EEF1AKMT2: variants seen among roughly 807,000 people sequenced by gnomAD.
EEF1AKMT2 encodes the protein eukaryotic translation elongation factor 1 alpha lysine methyltransferase 2.
EEF1AKMT2 carries 32 observed loss-of-function variants against 35.8 expected under a neutral mutation model. That is an observed-to-expected ratio of 0.89 (90% CI 0.67 to 1.20). EEF1AKMT2 has a LOEUF of 1.20. EEF1AKMT2 is among the 50% of genes most tolerant of loss of function. The pLI, the probability that EEF1AKMT2 is intolerant of heterozygous loss-of-function variation, is 0.00. For missense variants in EEF1AKMT2, 330 were observed against 347.5 expected (o/e 0.95, Z 0.40); for synonymous variants, 121 against 133.7 (o/e 0.91, Z 0.65).
chr10:124,783,137 C>A (rs113801716), intron 3 of EEF1AKMT2, among the ~76,000 whole-genome samples: 2,661 of 85,136 alleles, frequency 0.031, 69 homozygotes, highest in Non-Finnish European at 0.044. Context: ...AGGGAAAAAC[C>A]TTTTTTTTTT....
At chr10:124,783,535 A>G (rs369242063) in intron 3 of EEF1AKMT2, among the ~76,000 whole-genome samples, 2 of 152,212 alleles carry the variant, frequency 1.3e-5, no homozygotes, top group African/African-American at 4.8e-5. Flanking sequence ...AGCTCCTTAA[A>G]AGGTTAAACT....
At position 124,791,853 on chromosome 10, in the gene EEF1AKMT2, G is replaced by C. The variant is rs546800067; in HGVS notation, c.-20C>G. On this transcript the variant is annotated 5_prime_UTR_variant, in exon 1 of 7. Coordinates refer to ENST00000368836, the MANE Select transcript of EEF1AKMT2 (RefSeq NM_212554.4). ...GCTCATTTCGCTCCACGTCCTGGAC[G>C]GCCGTTGGGGCCGCCATAGAGACGG... 825 of 1,545,090 alleles carry C rather than the reference G, an allele frequency of 5.3e-4. 2 individuals are homozygous for C. In the Admixed American group the frequency reaches 5.6e-3, roughly 10 times the overall value.
intron 5 of EEF1AKMT2, among the ~76,000 whole-genome samples, chr10:124,764,749 G>A (rs1307175357): frequency 1.3e-5 from 2 of 152,138 alleles, no homozygotes; most frequent in Non-Finnish European, 2.9e-5. Context: ...CATGTAAGAC[G>A]GAAGTACTTC....
chr10:124,774,317 A>AGATGGC (rs961313792), intron 4 of EEF1AKMT2, among the ~76,000 whole-genome samples: 4 of 132,334 alleles, frequency 3.0e-5, no homozygotes, highest in African/African-American at 1.1e-4. Flanking sequence ...CAGTAAGCCG[A>AGATGGC]GATGGCGCCA....
intron 3 of EEF1AKMT2, among the ~76,000 whole-genome samples, chr10:124,777,662 T>A (rs1950499643): frequency 6.6e-6 from 1 of 152,058 alleles, no homozygotes; most frequent in Non-Finnish European, 1.5e-5. Context: ...GATAGGCTCA[T>A]GCCACCACCA....
chr10:124,778,284 G>A (rs77906614), intron 3 of EEF1AKMT2, among the ~76,000 whole-genome samples: 200 of 152,036 alleles, frequency 1.3e-3, no homozygotes, highest in African/African-American at 4.6e-3. Flanking sequence ...AATGAGAATA[G>A]GGCAGAAGAA....
At chr10:124,776,366 T>A (rs891413862) in intron 3 of EEF1AKMT2, among the ~76,000 whole-genome samples, 2 of 151,714 alleles carry the variant, frequency 1.3e-5, no homozygotes, top group African/African-American at 4.9e-5. Context: ...AGGGGAGAAA[T>A]TGACTTTAGA....
At chr10:124,775,827 T>C (rs1950482740) in intron 3 of EEF1AKMT2, among the ~76,000 whole-genome samples, 1 of 152,158 alleles carries the variant, frequency 6.6e-6, no homozygotes, top group South Asian at 2.1e-4. Flanking sequence ...TATCCCTCCT[T>C]ATTCCTTGAG....
At chr10:124,764,605 CATTTTAATTCCGTGCA>C (rs1950361076) in intron 5 of EEF1AKMT2, among the ~76,000 whole-genome samples, 2 of 152,220 alleles carry the variant, frequency 1.3e-5, no homozygotes, top group Admixed American at 1.3e-4. Flanking sequence ...CAATTCCCTA[CATTTTAATTCCGTGCA>C]ATCTTAAAAA....
At chr10:124,763,140 T>C (rs367875686) in intron 5 of EEF1AKMT2, among the ~76,000 whole-genome samples, 2 of 152,216 alleles carry the variant, frequency 1.3e-5, no homozygotes, top group Non-Finnish European at 2.9e-5. Context: ...CCTGAATAGA[T>C]TCAGAAAGAC....
intron 3 of EEF1AKMT2, 42 bp downstream of exon 3, chr10:124,789,001 T>C: frequency 2.0e-6 from 3 of 1,494,882 alleles, no homozygotes; most frequent in African/African-American, 1.4e-5. Flanking sequence ...AAATTTTCCT[T>C]TTAAAATTTG....
intron 4 of EEF1AKMT2, among the ~76,000 whole-genome samples, chr10:124,769,014 A>T: frequency 6.6e-6 from 1 of 150,606 alleles, no homozygotes. Context: ...AGATTGTTTG[A>T]GGCCAGGAAT....
At chr10:124,776,385 C>T (rs560348591) in intron 3 of EEF1AKMT2, among the ~76,000 whole-genome samples, 2 of 151,990 alleles carry the variant, frequency 1.3e-5, no homozygotes, top group Admixed American at 6.5e-5. Context: ...GAAACAGACC[C>T]GACAGGAGAC....
intron 6 of EEF1AKMT2, 80 bp from the exon 7 acceptor site, chr10:124,760,583 T>A: frequency 9.5e-7 from 1 of 1,053,954 alleles, no homozygotes; most frequent in Non-Finnish European, 1.4e-6. Flanking sequence ...ATTAACACTG[T>A]ACCATTGAAC....
At chr10:124,791,633 C>T in intron 1 of EEF1AKMT2, 91 bp downstream of exon 1, 1 of 1,518,880 alleles carries the variant, frequency 6.6e-7, no homozygotes, top group Non-Finnish European at 8.8e-7. Context: ...TCTCCCTGTC[C>T]CTGAGCCCCG....
chr10:124,786,146 G>T (rs1383672933), intron 3 of EEF1AKMT2, among the ~76,000 whole-genome samples: 1 of 152,030 alleles, frequency 6.6e-6, no homozygotes, highest in East Asian at 1.9e-4. Flanking sequence ...GGTCAGGTTG[G>T]TGAATAACAC....
At chr10:124,788,170 T>A (rs746297408) in intron 3 of EEF1AKMT2, among the ~76,000 whole-genome samples, 22 of 152,164 alleles carry the variant, frequency 1.4e-4, no homozygotes, top group Non-Finnish European at 2.6e-4. Flanking sequence ...AATATTTCCA[T>A]TAGTTGAAAT....
At chr10:124,781,546 G>T (rs1269520550) in intron 3 of EEF1AKMT2, among the ~76,000 whole-genome samples, 1 of 147,206 alleles carries the variant, frequency 6.8e-6, no homozygotes, top group Non-Finnish European at 1.5e-5. Context: ...TTGTGAGATT[G>T]TGCCACTGCA....
chr10:124,760,430 T>C lies in EEF1AKMT2; in HGVS notation c.*73A>G, dbSNP rs1355078926. The C allele has an allele frequency of 6.2e-7, 1 of 1,612,654 alleles. No individual in the cohort carries two copies. The highest frequency in any genetic ancestry group is 1.1e-5 in the South Asian group (1 of 90,954). The stretch of plus-strand genomic sequence containing the variant: ...AGTCTCACATTTTTTGGAAAACCAA[T>C]GCTGCTACACTGTTTCCAGATCTGC... On this transcript the variant is annotated 3_prime_UTR_variant, in exon 7 of 7. Transcript: ENST00000368836.
Sources: allele counts gnomAD v4.1 joint callset (sites outside exome capture counted in the v4.1 genomes callset), GRCh38; gene constraint gnomAD v4.1.1; transcripts MANE v1.5; gene names NCBI Gene and HGNC (gene_info 2026-07-23, HGNC 2026-07-21).